RGS6: variants seen among roughly 807,000 people sequenced by gnomAD.
RGS6 encodes the protein regulator of G protein signaling 6, also known as regulator of G-protein signaling 6.
RGS6 carries 30 observed loss-of-function variants against 78.5 expected under a neutral mutation model. The observed-to-expected ratio is 0.38, with a 90% CI of 0.29 to 0.52. The LOEUF (loss-of-function observed/expected upper bound fraction) is 0.52, where lower values mean the gene tolerates loss of function less well. RGS6 is among the 20% of genes least tolerant of loss of function. RGS6 has a pLI of 0.85. For synonymous variants in RGS6, 206 were observed against 206.0 expected (o/e 1.00, Z 0.00); for missense variants, 495 against 609.7 (o/e 0.81, Z 1.98).
chr14:72,515,308 T>TA (rs141789278), intron 14 of RGS6, among the ~76,000 whole-genome samples: 9,397 of 152,008 alleles, frequency 0.062, 655 homozygotes, highest in African/African-American at 0.17. Context: ...CACTTGTACT[T>TA]AAAAAAATTC....
At chr14:72,317,878 C>T (rs2070760981) in intron 2 of RGS6, among the ~76,000 whole-genome samples, 1 of 152,082 alleles carries the variant, frequency 6.6e-6, no homozygotes, top group South Asian at 2.1e-4. Flanking sequence ...ATTACAAGGT[C>T]CCACAATAGG....
At chr14:72,167,835 G>A (rs576805907) in intron 2 of RGS6, among the ~76,000 whole-genome samples, 1 of 152,274 alleles carries the variant, frequency 6.6e-6, no homozygotes, top group South Asian at 2.1e-4. Context: ...AATAGCTGGG[G>A]GTGAGAGTTG....
chr14:72,420,614 A>G (rs768719643), intron 3 of RGS6, among the ~76,000 whole-genome samples: 4 of 148,560 alleles, frequency 2.7e-5, no homozygotes, highest in Non-Finnish European at 4.4e-5. Context: ...GACCTTTGCA[A>G]TTAACATATT....
intron 3 of RGS6, among the ~76,000 whole-genome samples, chr14:72,414,966 G>T (rs930897391): frequency 3.9e-5 from 6 of 152,170 alleles, no homozygotes; most frequent in Non-Finnish European, 8.8e-5. Flanking sequence ...GCCCCTACTG[G>T]GGGGGTGCCT....
chr14:72,623,688 C>T, the RGS6 span, among the ~76,000 whole-genome samples: 2 of 152,194 alleles, frequency 1.3e-5, no homozygotes, highest in Non-Finnish European at 2.9e-5. Flanking sequence ...TAAGTATGAA[C>T]TGGATGCATC....
chr14:72,417,172 T>C (rs2093876235), intron 3 of RGS6, among the ~76,000 whole-genome samples: 1 of 152,192 alleles, frequency 6.6e-6, no homozygotes, highest in Non-Finnish European at 1.5e-5. Flanking sequence ...CAGCGCTCCC[T>C]GCCAGCTGAG....
chr14:72,533,265 C>T (rs1040136013), intron 15 of RGS6, among the ~76,000 whole-genome samples: 45 of 152,152 alleles, frequency 3.0e-4, no homozygotes, highest in African/African-American at 9.4e-4. Context: ...CATCTGTTTG[C>T]GGCATGGTTT....
intron 2 of RGS6, among the ~76,000 whole-genome samples, chr14:72,316,787 A>G (rs1417125509): frequency 6.6e-6 from 1 of 152,062 alleles, no homozygotes; most frequent in Non-Finnish European, 1.5e-5. Flanking sequence ...TTTTTTCTGC[A>G]TAGCAAAATA....
At chr14:71,918,576 G>A in the RGS6 span, among the ~76,000 whole-genome samples, 9 of 152,322 alleles carry the variant, frequency 5.9e-5, no homozygotes, top group Non-Finnish European at 1.2e-4. Flanking sequence ...GATGCAAACA[G>A]AGATGTAGTT....
intron 3 of RGS6, among the ~76,000 whole-genome samples, chr14:72,392,382 A>G (rs917247299): frequency 2.6e-5 from 4 of 152,082 alleles, no homozygotes; most frequent in Non-Finnish European, 2.9e-5. Context: ...CCACAGGCAC[A>G]CACAGAACCC....
intron 2 of RGS6, among the ~76,000 whole-genome samples, chr14:72,343,638 C>T (rs929666317): frequency 4.6e-5 from 7 of 151,668 alleles, no homozygotes; most frequent in African/African-American, 1.7e-4. Context: ...GCCCCGTTTT[C>T]GTATCTTCTT....
At chr14:72,584,956 G>C in the RGS6 span, among the ~76,000 whole-genome samples, 5 of 152,270 alleles carry the variant, frequency 3.3e-5, no homozygotes, top group African/African-American at 1.2e-4. Context: ...CAGGGCTAGA[G>C]GCCATAATAA....
chr14:72,040,751 T>C (rs970165472), intron 2 of RGS6, among the ~76,000 whole-genome samples: 2 of 152,098 alleles, frequency 1.3e-5, no homozygotes, highest in African/African-American at 4.8e-5. Context: ...TGCTCAATGG[T>C]GTTTCTTTCT....
chr14:71,929,123 A>G (rs1394504850), upstream of RGS6, among the ~76,000 whole-genome samples: 1 of 152,214 alleles, frequency 6.6e-6, no homozygotes, highest in Admixed American at 6.5e-5. Flanking sequence ...CTTCCTAAAA[A>G]CAAGAACACT....
the RGS6 span, among the ~76,000 whole-genome samples, chr14:72,572,085 C>G: frequency 5.3e-5 from 8 of 152,116 alleles, no homozygotes; most frequent in African/African-American, 1.9e-4. Context: ...TAGGGAAATG[C>G]AAATAAATTC....
At chr14:72,384,002 A>T (rs528843831) in intron 3 of RGS6, among the ~76,000 whole-genome samples, 3 of 152,180 alleles carry the variant, frequency 2.0e-5, no homozygotes, top group Admixed American at 6.5e-5. Flanking sequence ...TCAAATCAGC[A>T]TATTATATTC....
chr14:72,157,608 C>G (rs1567336261), intron 2 of RGS6, among the ~76,000 whole-genome samples: 1 of 152,104 alleles, frequency 6.6e-6, no homozygotes, highest in Non-Finnish European at 1.5e-5. Flanking sequence ...ATTTTCAGGA[C>G]CACTTGGAAG....
At chr14:72,496,177 C>T (rs1304048067) in intron 13 of RGS6, among the ~76,000 whole-genome samples, 4 of 151,964 alleles carry the variant, frequency 2.6e-5, no homozygotes, top group East Asian at 1.9e-4. Context: ...TCCTCCAACC[C>T]GATTTCACCT....
At chr14:72,628,896 A>C in the RGS6 span, among the ~76,000 whole-genome samples, 3 of 152,218 alleles carry the variant, frequency 2.0e-5, no homozygotes, top group African/African-American at 4.8e-5. Flanking sequence ...TGGAGGGAAA[A>C]GTCTATGTGT....
Sources: allele counts gnomAD v4.1 joint callset (sites outside exome capture counted in the v4.1 genomes callset), GRCh38; gene constraint gnomAD v4.1.1; transcripts MANE v1.5; gene names NCBI Gene and HGNC (gene_info 2026-07-23, HGNC 2026-07-21).